The following CMBL variants were observed in gnomAD, a reference collection of about 807,000 sequenced individuals.
The protein encoded by CMBL is carboxymethylenebutenolidase homolog (Pseudomonas).
Under a neutral mutation model 28.7 loss-of-function variants are expected in CMBL, and 17 were observed. The ratio of observed to expected loss-of-function variants is 0.59; its 90% CI spans 0.41 to 0.89. CMBL has a LOEUF of 0.89. Ranked by LOEUF, CMBL falls within the 40% of genes least tolerant of loss-of-function variation. The pLI is 0.00. For synonymous variants in CMBL, 106 were observed against 101.6 expected (o/e 1.04, Z -0.26); for missense variants, 310 against 298.5 (o/e 1.04, Z -0.28).
chr5:10,298,253 G>A (rs1307771680), intron 1 of CMBL, among the ~76,000 whole-genome samples: 1 of 151,958 alleles, frequency 6.6e-6, no homozygotes, highest in Admixed American at 6.6e-5. Context: ...AATCTAAGTA[G>A]GAAAGGCGAA....
At chr5:10,297,061 T>A (rs1746821843) in intron 1 of CMBL, among the ~76,000 whole-genome samples, 1 of 151,878 alleles carries the variant, frequency 6.6e-6, no homozygotes, top group South Asian at 2.1e-4. Context: ...GGCACATGCC[T>A]ATAATCCCAG....
At chr5:10,288,982 C>A (rs1230117443) in intron 2 of CMBL, among the ~76,000 whole-genome samples, 1 of 152,204 alleles carries the variant, frequency 6.6e-6, no homozygotes, top group Non-Finnish European at 1.5e-5. Context: ...ATGTTCCCAG[C>A]CTCCACCAAG....
intron 4 of CMBL, among the ~76,000 whole-genome samples, chr5:10,284,289 C>T (rs1292104599): frequency 6.6e-6 from 1 of 152,256 alleles, no homozygotes; most frequent in African/African-American, 2.4e-5. Flanking sequence ...CAGCTGGCCA[C>T]TGCCTTTTGA....
chr5:10,304,312 T>C lies in CMBL; in HGVS notation c.-20+3313A>G, dbSNP rs1354441963. ...TGGGCCCAGGAGGTCAAGACTGCAG[T>C]GAGCCAATGATCATGCCACTGCACT... is the stretch of plus-strand genomic sequence containing the variant. On this transcript the variant is annotated intron_variant, in intron 1 of 5. Transcript: ENST00000296658. Among the ~76,000 whole-genome samples the C allele has an allele frequency of 2.6e-5, 4 of 152,184 alleles. 1 individual carries two copies. Among genetic ancestry groups the C allele is most frequent in the Non-Finnish European group, 5.9e-5 (4 of 68,018 alleles).
intron 1 of CMBL, among the ~76,000 whole-genome samples, chr5:10,299,653 A>G (rs894866851): frequency 6.6e-6 from 1 of 151,780 alleles, no homozygotes; most frequent in African/African-American, 2.4e-5. Flanking sequence ...CATCCTGGGC[A>G]ACATGGTAAA....
intron 4 of CMBL, among the ~76,000 whole-genome samples, chr5:10,284,127 G>A (rs1258361916): frequency 6.6e-6 from 1 of 152,168 alleles, no homozygotes; most frequent in Non-Finnish European, 1.5e-5. Context: ...ATATCCCTGG[G>A]CCTGAGCCCG....
chr5:10,284,360 A>G (rs1746558982), intron 4 of CMBL, among the ~76,000 whole-genome samples: 1 of 152,262 alleles, frequency 6.6e-6, no homozygotes, highest in South Asian at 2.1e-4. Flanking sequence ...CTCTAAAAGT[A>G]GTTGAAAATA....
intron 5 of CMBL, among the ~76,000 whole-genome samples, chr5:10,280,985 G>A (rs1214057092): frequency 1.3e-5 from 2 of 152,076 alleles, no homozygotes. Context: ...TGTTGACCAG[G>A]CTAGTCTCAA....
At chr5:10,282,174 G>C in intron 5 of CMBL, 23 bp downstream of exon 5, 1 of 1,515,026 alleles carries the variant, frequency 6.6e-7, no homozygotes, top group Non-Finnish European at 9.2e-7. Context: ...AAATAAATAC[G>C]AAGAGAAAAG....
At chr5:10,283,034 G>A (rs1746525729) in intron 4 of CMBL, among the ~76,000 whole-genome samples, 1 of 144,150 alleles carries the variant, frequency 6.9e-6, no homozygotes, top group African/African-American at 2.5e-5. Context: ...AGGTTGCAGT[G>A]AGCCAAGATC....
rs547507947 is a variant in CMBL, at chr5:10,278,470, C to T, written c.*1983G>A. Among the ~76,000 whole-genome samples, 4 of 152,090 alleles carry T rather than the reference C, an allele frequency of 2.6e-5. No individual in the cohort carries two copies. The highest frequency in any genetic ancestry group is 9.7e-5 in the African/African-American group (4 of 41,426). ...TCAGTCACAGCGTGAGTCCCCGGGG[C>T]TCATGCCTGCTTGCTCTAAACCCCC... On this transcript the variant is annotated 3_prime_UTR_variant, in exon 6 of 6. Coordinates refer to ENST00000296658, the MANE Select transcript of CMBL (RefSeq NM_138809.4).
At chr5:10,292,811 C>T (rs566175777) in intron 1 of CMBL, among the ~76,000 whole-genome samples, 5 of 124,692 alleles carry the variant, frequency 4.0e-5, no homozygotes, top group South Asian at 2.5e-4. Flanking sequence ...GCAACAAGAG[C>T]GAGGCTCTGT....
At chr5:10,293,857 T>C (rs1046766133) in intron 1 of CMBL, among the ~76,000 whole-genome samples, 4 of 152,174 alleles carry the variant, frequency 2.6e-5, no homozygotes, top group African/African-American at 9.7e-5. Flanking sequence ...GGATGAAATA[T>C]ACAAAAACAA....
At chr5:10,291,569 G>A (rs1579473857) in intron 1 of CMBL, among the ~76,000 whole-genome samples, 5 of 151,920 alleles carry the variant, frequency 3.3e-5, no homozygotes. Context: ...GCTGAGGCAG[G>A]AGAATGGCGT....
intron 4 of CMBL, among the ~76,000 whole-genome samples, chr5:10,283,310 G>A (rs1201426798): frequency 2.6e-5 from 4 of 152,150 alleles, no homozygotes; most frequent in Non-Finnish European, 4.4e-5. Flanking sequence ...TCAAACCTTC[G>A]CTTGAGAAGT....
Position 10,290,640 on chromosome 5 carries a change from T to C in CMBL, c.123A>G (p.Ala41=), listed in dbSNP as rs562374337. Residue 41 remains alanine, a synonymous_variant, in exon 2 of 6, where the codon GCA becomes GCG. Coordinates refer to ENST00000296658, the MANE Select transcript of CMBL (RefSeq NM_138809.4). ...KAYVTKSPVD[A]GKAVIVIQDI... is the part of the protein sequence containing the mutation. ...CTTGAATGACAATCACAGCTTTGCC[T>C]GCATCAACGGGGGATTTGGTGACAT... is the stretch of plus-strand genomic sequence containing the variant. The C allele has an allele frequency of 6.2e-7, 1 of 1,614,222 alleles. No individual in the cohort carries two copies. The highest frequency in any genetic ancestry group is 1.6e-4 in the Middle Eastern group (1 of 6,062).
chr5:10,300,454 A>G (rs1291676578), intron 1 of CMBL, among the ~76,000 whole-genome samples: 2 of 152,200 alleles, frequency 1.3e-5, no homozygotes, highest in African/African-American at 2.4e-5. Flanking sequence ...ATTCATAAAA[A>G]GAATATTACA....
chr5:10,302,692 T>C (rs536327287), intron 1 of CMBL, among the ~76,000 whole-genome samples: 1 of 152,172 alleles, frequency 6.6e-6, no homozygotes. Context: ...GCATTAACAT[T>C]CAAACAGAGG....
rs1168668166 is a variant in CMBL at position 10,286,460 on chromosome 5, CTGT to C, written c.357_359del (p.Gln120del). 6.2e-7 allele frequency: 1 copy of C among 1,614,100 alleles called. No individual in the cohort carries two copies. On this transcript the variant is annotated inframe_deletion, in exon 4 of 6. Transcript: ENST00000296658. ...CGATGCCAATTTTCTGGGCATGACA[CTGT>C]TGTTTCAGATACTTCAAGATAGCAC...
Sources: gnomAD v4.1 joint callset for allele counts (sites outside exome capture counted in the v4.1 genomes callset) on GRCh38, gnomAD v4.1.1 for gene constraint, MANE v1.5 for transcripts, NCBI Gene and HGNC (gene_info 2026-07-23, HGNC 2026-07-21) for gene names.